RGS3: variants seen among roughly 807,000 people sequenced by gnomAD.
RGS3 encodes regulator of G protein signaling 3.
RGS3 carries 80 observed loss-of-function variants against 132.6 expected under a neutral mutation model. That is an observed-to-expected ratio of 0.60 (90% CI 0.50 to 0.73). The LOEUF is 0.73. RGS3 is among the 30% of genes least tolerant of loss of function. The pLI is 0.00. For missense variants in RGS3, 1,382 were observed against 1,530.8 expected, an observed-to-expected ratio of 0.90 and a Z score of 1.62; for synonymous variants, 598 against 620.6, an observed-to-expected ratio of 0.96 and a Z score of 0.54.
At chr9:113,515,958 T>C (rs1831638012) in intron 15 of RGS3, among the ~76,000 whole-genome samples, 1 of 152,226 alleles carries the variant, frequency 6.6e-6, no homozygotes, top group Non-Finnish European at 1.5e-5. Flanking sequence ...TCCTTGCGCA[T>C]GGATTGCCTC....
intron 23 of RGS3, 180 bp from the exon 22 acceptor site, chr9:113,595,419 C>A: frequency 1.6e-6 from 1 of 621,566 alleles, no homozygotes; most frequent in South Asian, 2.0e-5. Flanking sequence ...CCCACTGAGA[C>A]CCTGAAAGAG....
intron 7 of RGS3, among the ~76,000 whole-genome samples, chr9:113,487,540 G>A (rs1269837992): frequency 1.3e-5 from 2 of 152,160 alleles, no homozygotes; most frequent in Non-Finnish European, 2.9e-5. Flanking sequence ...CAATAGAGCC[G>A]GGATGGAATC....
intron 7 of RGS3, among the ~76,000 whole-genome samples, chr9:113,486,977 GGATCACC>G (rs1394171046): frequency 6.6e-6 from 1 of 151,214 alleles, no homozygotes; most frequent in African/African-American, 2.4e-5. Flanking sequence ...CTTTCCTATC[GGATCACC>G]GATAGAGACT....
intron 17 of RGS3, among the ~76,000 whole-genome samples, chr9:113,523,636 A>G (rs1218050201): frequency 8.6e-5 from 13 of 151,746 alleles, no homozygotes; most frequent in Non-Finnish European, 1.6e-4. Flanking sequence ...TTCTAACCCA[A>G]ACTTTCCACC....
In RGS3 at chr9:113,591,181, T is replaced by G; in HGVS notation, c.3016-152T>G. 1 of 636,570 alleles carries G rather than the reference T, an allele frequency of 1.6e-6. No homozygotes were observed. The highest frequency in any genetic ancestry group is 2.8e-6 in the Non-Finnish European group (1 of 361,908). 39.4% of individuals were successfully genotyped at this position (636,570 alleles called of 1,614,324 possible). On this transcript the variant is annotated intron_variant, in intron 20 of 24. Transcript: ENST00000350696. The surrounding 1 kb of genome is among the most constrained non-coding windows in gnomAD (Gnocchi z 4.4). ...TTCATGGCCAGGCTGTTCCCAGCAG[T>G]GGGGTTTCCCTCCCTCACCTGTGTG...
rs1382542261 is a variant in RGS3 at position 113,485,704 on chromosome 9, C to T, written c.689+11C>T. The T allele has an allele frequency of 6.3e-7, 1 of 1,576,904 alleles. No homozygotes were observed. On this transcript the variant is annotated intron_variant, in intron 7 of 24. Coordinates refer to ENST00000350696, the Ensembl canonical transcript of RGS3. ...GGCCAGCCAGTCCAGGTGAGGAGAGCTGCTGAGCTGGAGGGGGACTCTGCT... is the reference window on the plus strand; with the variant it reads ...GGCCAGCCAGTCCAGGTGAGGAGAGTTGCTGAGCTGGAGGGGGACTCTGCT...
At chr9:113,513,577 C>T (rs1406596116) in intron 14 of RGS3, among the ~76,000 whole-genome samples, 1 of 152,004 alleles carries the variant, frequency 6.6e-6, no homozygotes, top group Non-Finnish European at 1.5e-5. Context: ...TCTAAAGACT[C>T]TAAGTGAACT....
Position 113,507,437 on chromosome 9 carries a change from T to C in RGS3, c.1236T>C (p.His412=), listed in dbSNP as rs368039403. The C allele has an allele frequency of 3.2e-5, 52 of 1,613,792 alleles. No individual in the cohort carries two copies. Among genetic ancestry groups the C allele is most frequent in the Non-Finnish European group, 4.2e-5 (50 of 1,180,032 alleles). Residue 412 remains histidine, a synonymous_variant, in exon 13 of 25, where the codon CAT becomes CAC. Transcript: ENST00000350696. This position sits in a 1 kb window ranked among gnomAD's most constrained non-coding sequence, Gnocchi z 5.0. ...ACAAACGGGAGAAGAACTGCACCCA[T>C]GGGGTCCAGGCACGGCCTGAGCAGC...
chr9:113,511,455 C>T (rs1361657808), intron 14 of RGS3, among the ~76,000 whole-genome samples: 3 of 151,988 alleles, frequency 2.0e-5, no homozygotes, highest in South Asian at 4.1e-4. Flanking sequence ...CACATATTAT[C>T]CAGGGGTGGG....
intron 19 of RGS3, among the ~76,000 whole-genome samples, chr9:113,552,392 T>C (rs1334260491): frequency 6.6e-6 from 1 of 152,076 alleles, no homozygotes; most frequent in Admixed American, 6.5e-5. Flanking sequence ...TCTCGGCTCA[T>C]TGCAAGACCC....
At chr9:113,554,989 T>C (rs1833509019) in intron 19 of RGS3, among the ~76,000 whole-genome samples, 1 of 152,252 alleles carries the variant, frequency 6.6e-6, no homozygotes, top group Non-Finnish European at 1.5e-5. Flanking sequence ...ATTTAATGCC[T>C]GGTGTCAGAT....
rs1832717789 is a variant in RGS3, at chr9:113,537,227, T to C, written c.2037+309T>C. Among the ~76,000 whole-genome samples, 1 of 152,258 alleles carries C rather than the reference T, an allele frequency of 6.6e-6. No individual in the cohort carries two copies. The highest frequency in any genetic ancestry group is 1.5e-5 in the Non-Finnish European group (1 of 68,034). On this transcript the variant is annotated intron_variant, in intron 19 of 24. Coordinates refer to ENST00000350696, the Ensembl canonical transcript of RGS3. The surrounding 1 kb of genome is among the most constrained non-coding windows in gnomAD (Gnocchi z 4.3). ...TAATTCGGGCTGGCCTCCCTGATGC[T>C]GCCTGGCATGCGTTCACCTCTGCCA...
upstream of RGS3, among the ~76,000 whole-genome samples, chr9:113,459,152 G>A (rs1260765516): frequency 6.6e-6 from 1 of 152,024 alleles, no homozygotes; most frequent in African/African-American, 2.4e-5. Context: ...TTTTGTCTTT[G>A]TCTAGCTTTC....
chr9:113,532,356 T>C (rs928159019), intron 18 of RGS3, among the ~76,000 whole-genome samples: 1 of 151,542 alleles, frequency 6.6e-6, no homozygotes, highest in African/African-American at 2.4e-5. Flanking sequence ...GCTGGCTTAG[T>C]GCTCTCTCTC....
chr9:113,469,389 C>T, intron 3 of RGS3, among the ~76,000 whole-genome samples: 1 of 152,220 alleles, frequency 6.6e-6, no homozygotes, highest in East Asian at 1.9e-4. Flanking sequence ...TCATACTCCT[C>T]AGCATTTATT....
exon 20 of RGS3, chr9:113,583,639 A>G (rs1834938854): frequency 6.2e-7 from 1 of 1,614,118 alleles, no homozygotes; most frequent in Non-Finnish European, 8.5e-7. Context: ...ACCACTGTCC[A>G]GCAAAGACTC....
intron 1 of RGS3, among the ~76,000 whole-genome samples, chr9:113,447,361 A>ATATATATATATATC (rs1554751008): frequency 5.1e-5 from 6 of 118,392 alleles, no homozygotes; most frequent in African/African-American, 1.9e-4. Context: ...ATATATATAT[A>ATATATATATATATC]GGCAAGGGTT....
At chr9:113,571,143 T>C (rs1202510911) in intron 19 of RGS3, among the ~76,000 whole-genome samples, 1 of 152,262 alleles carries the variant, frequency 6.6e-6, no homozygotes, top group Non-Finnish European at 1.5e-5. Flanking sequence ...ACAGTTTATC[T>C]AATCTACTGC....
intron 7 of RGS3, among the ~76,000 whole-genome samples, chr9:113,493,373 C>T (rs1421003934): frequency 1.3e-5 from 2 of 152,266 alleles, no homozygotes; most frequent in Non-Finnish European, 2.9e-5. Context: ...AAGAAGGCAG[C>T]AGATGGAGCC....
Sources: allele counts gnomAD v4.1 joint callset (sites outside exome capture counted in the v4.1 genomes callset), GRCh38; gene constraint gnomAD v4.1.1; non-coding constraint Gnocchi (gnomAD v3.1); transcripts MANE v1.5; gene names NCBI Gene and HGNC (gene_info 2026-07-23, HGNC 2026-07-21).